Variants in HEATR5A observed in about 807,000 individuals in gnomAD.
The protein encoded by HEATR5A is HEAT repeat containing 5A, also known as HEAT repeat-containing protein 5A.
A neutral mutation model predicts 218.8 loss-of-function variants in HEATR5A; 178 were observed. The observed-to-expected ratio is 0.81, with a 90% CI of 0.72 to 0.92. HEATR5A has a LOEUF of 0.92. HEATR5A is among the 40% of genes least tolerant of loss of function. The pLI, the probability that HEATR5A is intolerant of heterozygous loss-of-function variation, is 0.00. For synonymous variants in HEATR5A, 864 were observed against 871.6 expected, an observed-to-expected ratio of 0.99 and a Z score of 0.15; for missense variants, 2,420 against 2,418.9, an observed-to-expected ratio of 1.00 and a Z score of -0.01.
rs2030556952 is a variant in HEATR5A, at chr14:31,394,079, C to G, written c.745G>C (p.Ala249Pro). 1.3e-6 allele frequency: 2 copies of G among 1,528,806 alleles called. No homozygotes were observed. Among genetic ancestry groups the G allele is most frequent in the South Asian group, 2.4e-5 (2 of 82,360 alleles). 94.7% of individuals were successfully genotyped at this position (1,528,806 alleles called of 1,614,324 possible). A position where few individuals can be genotyped will look rare whatever the true frequency, so the allele number is the denominator to read the frequency against. ...SKLLGIILAK[A>P]VISKHPGTAA... ...GTTCCTGGATGTTTAGAAATTACAG[C>G]TTTAGCTAATATTATGCCTAGTAAC... The change falls in exon 6 of 36, where the codon GCT (alanine) becomes CCT (proline). Residue 249 changes from alanine to proline, a missense_variant. By Grantham distance (27) the Ala-to-Pro change is conservative (BLOSUM62 -1). Transcript: ENST00000543095.
intron 1 of HEATR5A, among the ~76,000 whole-genome samples, chr14:31,415,090 G>C (rs1389236592): frequency 6.6e-6 from 1 of 152,102 alleles, no homozygotes; most frequent in African/African-American, 2.4e-5. Flanking sequence ...CGCCTGCCTT[G>C]GCCTCCCAAA....
intron 27 of HEATR5A, among the ~76,000 whole-genome samples, chr14:31,314,937 C>T (rs1595088224): frequency 6.6e-6 from 1 of 152,224 alleles, no homozygotes; most frequent in East Asian, 1.9e-4. Flanking sequence ...CTTTAAGAGG[C>T]AGAGGAGAGT....
intron 22 of HEATR5A, among the ~76,000 whole-genome samples, chr14:31,327,070 G>C (rs1015709965): frequency 2.0e-5 from 3 of 151,588 alleles, no homozygotes; most frequent in Non-Finnish European, 2.9e-5. Context: ...TGCCTCCCGG[G>C]TTGAATTGGT....
Position 31,333,042 on chromosome 14 carries a change from G to A in HEATR5A, c.3367+4434C>T, listed in dbSNP as rs189402248. Reference sequence around the variant, plus strand: ...AACATTGAGCCTGATGCAGAGCAAGGCCCTACCTCTCTTTAATTCTTTGAA... The same window carrying A: ...AACATTGAGCCTGATGCAGAGCAAGACCCTACCTCTCTTTAATTCTTTGAA... On this transcript the variant is annotated intron_variant, in intron 22 of 35. Coordinates refer to ENST00000543095, the MANE Select transcript of HEATR5A (RefSeq NM_015473.4). 1.7e-3 allele frequency among the ~76,000 whole-genome samples: 258 copies of A among 151,908 alleles called. 1 individual carries two copies. The highest frequency in any genetic ancestry group is 2.9e-3 in the Non-Finnish European group (198 of 67,978).
chr14:31,300,527 C>T (rs1324699398), intron 33 of HEATR5A, among the ~76,000 whole-genome samples: 1 of 151,976 alleles, frequency 6.6e-6, no homozygotes, highest in Non-Finnish European at 1.5e-5. Flanking sequence ...GAATGTGCTG[C>T]CCAGCTGTGG....
chr14:31,417,269 G>T (rs1232326564), intron 1 of HEATR5A, among the ~76,000 whole-genome samples: 1 of 151,974 alleles, frequency 6.6e-6, no homozygotes, highest in South Asian at 2.1e-4. Flanking sequence ...ACTTACAAAA[G>T]GCTAGAGTTG....
Position 31,294,086 on chromosome 14 carries a change from G to A in HEATR5A, c.5638C>T (p.Gln1880Ter). ...KDPVVQIKTY[Q>*]LLHSIFQYPN... ...TACTGAAAGATGGAATGTAGGAGCT[G>A]GTAGGTCTTGATTTGTACCTAATAA... The change falls in exon 35 of 36, where the codon CAG becomes TAG. Residue 1880 changes from glutamine (Q) to a stop codon, truncating the protein, a stop_gained. Coordinates refer to ENST00000543095, the MANE Select transcript of HEATR5A (RefSeq NM_015473.4). LOFTEE classifies it high-confidence loss of function. 1.3e-6 allele frequency: 2 copies of A among 1,589,126 alleles called. No homozygotes were observed. Among genetic ancestry groups the A allele is most frequent in the Non-Finnish European group, 1.7e-6 (2 of 1,166,372 alleles).
intron 8 of HEATR5A, 77 bp downstream of exon 8, chr14:31,387,043 T>G: frequency 2.9e-6 from 4 of 1,387,190 alleles, no homozygotes; most frequent in Non-Finnish European, 3.0e-6. Context: ...AATATAGTAT[T>G]ATATATCAGT....
At chr14:31,345,387 A>C (rs1247760319) in intron 19 of HEATR5A, 111 bp from the exon 20 acceptor site, 1 of 778,540 alleles carries the variant, frequency 1.3e-6, no homozygotes, top group Non-Finnish European at 2.0e-6. Flanking sequence ...GCAAATGTGA[A>C]TGCTACTACT....
intron 11 of HEATR5A, among the ~76,000 whole-genome samples, chr14:31,376,022 AACCC>A (rs1902214977): frequency 6.6e-6 from 1 of 152,080 alleles, no homozygotes; most frequent in South Asian, 2.1e-4. Context: ...TTCTGTTCCA[AACCC>A]ATAGCTCAGA....
At position 31,400,152 on chromosome 14, in the gene HEATR5A, TTA is replaced by T. The variant is rs1595176409; in HGVS notation, c.338+147_338+148del. 1.1e-5 allele frequency: 6 copies of T among 536,822 alleles called. No homozygotes were observed. In the East Asian group the frequency reaches 1.8e-4, roughly 16 times the overall value. The allele number at this position is 536,822 out of a possible 1,614,324, so 33.3% of individuals were successfully genotyped here. A position where few individuals can be genotyped will look rare whatever the true frequency, so the allele number is the denominator to read the frequency against. Reference sequence around the variant, plus strand: ...TTCTCAGCAACTAACATGAAAAGTGTTAGTTTCTTTTTTAAGTTAGATTTTGA... The same window carrying T: ...TTCTCAGCAACTAACATGAAAAGTGTGTTTCTTTTTTAAGTTAGATTTTGA... On this transcript the variant is annotated intron_variant, in intron 3 of 35. Transcript: ENST00000543095.
chr14:31,347,493 GA>G (rs1901062114), intron 19 of HEATR5A, among the ~76,000 whole-genome samples: 1 of 152,178 alleles, frequency 6.6e-6, no homozygotes, highest in African/African-American at 2.4e-5. Flanking sequence ...GTATGTGCGT[GA>G]GCCACCACTT....
intron 27 of HEATR5A, among the ~76,000 whole-genome samples, chr14:31,315,509 G>A (rs962295598): frequency 6.6e-6 from 1 of 152,166 alleles, no homozygotes; most frequent in African/African-American, 2.4e-5. Context: ...TTCAATAAAT[G>A]TTGATTTCCA....
chr14:31,307,917 G>C lies in HEATR5A; in HGVS notation c.4794C>G (p.Pro1598=). The C allele has an allele frequency of 1.9e-6, 3 of 1,613,392 alleles. No homozygotes were observed. The highest frequency in any genetic ancestry group is 2.5e-6 in the Non-Finnish European group (3 of 1,179,714). The change falls in exon 30 of 36, where the codon CCC becomes CCG. Residue 1598 remains proline, a synonymous_variant. Transcript: ENST00000543095. ...CCTGATCACTGCCAATTTTTGATCT[G>C]GGCCAAGGTACATCTAGAAGTGCTT... ...ALQALLDVPW[P]RSKIGSDQDL...
chr14:31,403,664 G>C (rs1344629499), intron 1 of HEATR5A, among the ~76,000 whole-genome samples: 2 of 152,106 alleles, frequency 1.3e-5, no homozygotes, highest in Non-Finnish European at 2.9e-5. Flanking sequence ...TTTTAAATGG[G>C]TATTGTCCAG....
chr14:31,346,516 T>C (rs746990461), intron 19 of HEATR5A, among the ~76,000 whole-genome samples: 11 of 152,080 alleles, frequency 7.2e-5, no homozygotes, highest in African/African-American at 1.9e-4. Context: ...CAAATAGGCA[T>C]GTAAGGAGAG....
chr14:31,298,949 C>A (rs1309397873), intron 33 of HEATR5A, among the ~76,000 whole-genome samples: 3 of 152,186 alleles, frequency 2.0e-5, no homozygotes, highest in Admixed American at 6.5e-5. Flanking sequence ...CTCTATCCCC[C>A]ACACTGTTTG....
chr14:31,407,022 G>C (rs1254022879), intron 1 of HEATR5A, among the ~76,000 whole-genome samples: 2 of 147,316 alleles, frequency 1.4e-5, no homozygotes, highest in East Asian at 4.0e-4. Flanking sequence ...GGGCACAGTG[G>C]CTCACGCCTA....
chr14:31,303,571 T>C (rs1462462296), intron 32 of HEATR5A, among the ~76,000 whole-genome samples: 2 of 152,328 alleles, frequency 1.3e-5, no homozygotes, highest in Admixed American at 1.3e-4. Context: ...AAACAAGACA[T>C]TTCTCTTTTA....
Sources: allele counts gnomAD v4.1 joint callset (sites outside exome capture counted in the v4.1 genomes callset), GRCh38; gene constraint gnomAD v4.1.1; transcripts MANE v1.5; gene names NCBI Gene and HGNC (gene_info 2026-07-23, HGNC 2026-07-21).